The following MSRB3 variants were observed in gnomAD, a reference collection of about 807,000 sequenced individuals.
MSRB3 encodes the protein methionine sulfoxide reductase B3, also known as methionine-R-sulfoxide reductase B3.
In MSRB3, 13 loss-of-function variants were observed where a neutral mutation model predicts 21.0. The observed-to-expected ratio is 0.62, with a 90% CI of 0.40 to 0.98. The LOEUF (loss-of-function observed/expected upper bound fraction) is 0.98. MSRB3 is among the 50% of genes least tolerant of loss of function. MSRB3 has a pLI of 0.00. For missense variants in MSRB3, 199 were observed against 230.3 expected, an observed-to-expected ratio of 0.86 and a Z score of 0.88; for synonymous variants, 87 against 88.6, an observed-to-expected ratio of 0.98 and a Z score of 0.10.
At chr12:65,432,384 A>G (rs912522147) in intron 5 of MSRB3, among the ~76,000 whole-genome samples, 1 of 152,008 alleles carries the variant, frequency 6.6e-6, no homozygotes, top group African/African-American at 2.4e-5. Flanking sequence ...GGAAAGATGA[A>G]TGGATTCCAA....
At chr12:65,280,966 G>A (rs1303250790) in intron 1 of MSRB3, among the ~76,000 whole-genome samples, 1 of 152,156 alleles carries the variant, frequency 6.6e-6, no homozygotes, top group Non-Finnish European at 1.5e-5. Flanking sequence ...GGTGGCTCAT[G>A]CCTGTAATGC....
intron 5 of MSRB3, among the ~76,000 whole-genome samples, chr12:65,397,442 A>G (rs1012941576): frequency 6.6e-6 from 1 of 151,948 alleles, no homozygotes; most frequent in East Asian, 1.9e-4. Flanking sequence ...ATTAATATCT[A>G]CTACATCTGT....
intron 4 of MSRB3, among the ~76,000 whole-genome samples, chr12:65,336,340 T>C (rs73318482): frequency 0.038 from 5,740 of 152,266 alleles, 363 homozygotes; most frequent in African/African-American, 0.13. Flanking sequence ...TATAACAATA[T>C]ACAAAGATAA....
rs556365699 is a variant in MSRB3 at position 65,389,055 on chromosome 12, C to T, written c.292+20029C>T. Among the ~76,000 whole-genome samples the T allele has an allele frequency of 3.9e-5, 6 of 152,238 alleles. No individual in the cohort carries two copies. In the South Asian group the frequency reaches 1.2e-3, roughly 32 times the overall value. ...TGTTAATGACATATCTGGGGCCATG[C>T]CCTTTTTCATGTCTTCATTGTTATG... On this transcript the variant is annotated intron_variant, in intron 5 of 6. Transcript: ENST00000308259.
intron 5 of MSRB3, among the ~76,000 whole-genome samples, chr12:65,415,310 G>A (rs1400443474): frequency 6.6e-6 from 1 of 152,100 alleles, no homozygotes; most frequent in African/African-American, 2.4e-5. Context: ...CTCAGGAGAG[G>A]AATTTCTTTC....
intron 5 of MSRB3, among the ~76,000 whole-genome samples, chr12:65,407,020 T>C (rs1880450121): frequency 6.6e-6 from 1 of 152,166 alleles, no homozygotes; most frequent in African/African-American, 2.4e-5. Flanking sequence ...TTTATAAAAT[T>C]ATCTGGTCTA....
At chr12:65,279,835 G>A (rs12297256) in intron 1 of MSRB3, among the ~76,000 whole-genome samples, 1 of 152,108 alleles carries the variant, frequency 6.6e-6, no homozygotes, top group Non-Finnish European at 1.5e-5. Context: ...CGTTTGTGAT[G>A]AGTAGTCGTC....
At chr12:65,307,592 A>G (rs1873732979) in intron 1 of MSRB3, among the ~76,000 whole-genome samples, 1 of 152,152 alleles carries the variant, frequency 6.6e-6, no homozygotes, top group South Asian at 2.1e-4. Flanking sequence ...TTAATCTAGT[A>G]TTTTCCATTT....
chr12:65,409,705 ATG>A (rs1474693661), intron 5 of MSRB3, among the ~76,000 whole-genome samples: 5 of 152,100 alleles, frequency 3.3e-5, no homozygotes, highest in Non-Finnish European at 7.4e-5. Flanking sequence ...AATCCTTTTT[ATG>A]TGTTACATTA....
chr12:65,360,080 T>G (rs2136514837), intron 4 of MSRB3, among the ~76,000 whole-genome samples: 1 of 152,242 alleles, frequency 6.6e-6, no homozygotes, highest in South Asian at 2.1e-4. Flanking sequence ...CTTGTCTCTG[T>G]GTGTGTCTGT....
At chr12:65,353,263 C>G (rs1328601762) in intron 4 of MSRB3, among the ~76,000 whole-genome samples, 1 of 152,082 alleles carries the variant, frequency 6.6e-6, no homozygotes, top group Admixed American at 6.6e-5. Flanking sequence ...GAGCTGAGTT[C>G]AGTTCCTGGA....
At chr12:65,295,701 T>C (rs889672253) in intron 1 of MSRB3, among the ~76,000 whole-genome samples, 5 of 152,134 alleles carry the variant, frequency 3.3e-5, no homozygotes, top group African/African-American at 1.2e-4. Context: ...AGAAGCATAA[T>C]TGGGAGGCTG....
chr12:65,410,198 T>C (rs1027384386), intron 5 of MSRB3, among the ~76,000 whole-genome samples: 1 of 152,210 alleles, frequency 6.6e-6, no homozygotes, highest in Non-Finnish European at 1.5e-5. Flanking sequence ...TTATGTACTT[T>C]ATTGCTTTGT....
chr12:65,350,623 C>T (rs937918325), intron 4 of MSRB3, among the ~76,000 whole-genome samples: 1 of 148,816 alleles, frequency 6.7e-6, no homozygotes, highest in Non-Finnish European at 1.5e-5. Context: ...GAAGATCTAC[C>T]AAGCAAATGG....
At chr12:65,369,833 C>T (rs1278612399) in intron 5 of MSRB3, among the ~76,000 whole-genome samples, 1 of 152,074 alleles carries the variant, frequency 6.6e-6, no homozygotes, top group Non-Finnish European at 1.5e-5. Flanking sequence ...AAATATATAA[C>T]TTGTTGAATT....
Position 65,373,373 on chromosome 12 carries a change from T to C in MSRB3, c.292+4347T>C, listed in dbSNP as rs563371947. Among the ~76,000 whole-genome samples the C allele has an allele frequency of 4.6e-5, 7 of 152,306 alleles. No homozygotes were observed. In the South Asian group the frequency reaches 1.5e-3, roughly 32 times the overall value. On this transcript the variant is annotated intron_variant, in intron 5 of 6. Transcript: ENST00000308259. ...AAGTTAACCTTAACTTATTAACTTA[T>C]TTATAAGTTAATAACTGGATGTGAA...
chr12:65,400,801 G>A (rs1880084449), intron 5 of MSRB3, among the ~76,000 whole-genome samples: 1 of 152,068 alleles, frequency 6.6e-6, no homozygotes. Context: ...AGAGATTCTG[G>A]TACACTGTGT....
chr12:65,366,761 A>AAG (rs1349258108), intron 4 of MSRB3, among the ~76,000 whole-genome samples: 1 of 152,186 alleles, frequency 6.6e-6, no homozygotes, highest in Non-Finnish European at 1.5e-5. Context: ...GATATGGTCA[A>AAG]AGAAGTGTTT....
At chr12:65,439,042 T>G (rs1443011975) in intron 5 of MSRB3, among the ~76,000 whole-genome samples, 1 of 151,900 alleles carries the variant, frequency 6.6e-6, no homozygotes, top group Non-Finnish European at 1.5e-5. Flanking sequence ...AAGTTCTAGT[T>G]ATTTGCTACT....
Sources: allele counts gnomAD v4.1 joint callset (sites outside exome capture counted in the v4.1 genomes callset), GRCh38; gene constraint gnomAD v4.1.1; transcripts MANE v1.5; gene names NCBI Gene and HGNC (gene_info 2026-07-23, HGNC 2026-07-21).